The following CYP2J2 variants were observed in gnomAD, a reference collection of about 807,000 sequenced individuals.
CYP2J2 encodes the protein cytochrome P450 2J2.
Under a neutral mutation model 48.8 loss-of-function variants are expected in CYP2J2, and 41 were observed. That is an observed-to-expected ratio of 0.84 (90% confidence interval 0.66 to 1.09). CYP2J2 has a LOEUF of 1.09. Ranked by LOEUF, CYP2J2 falls within the 50% of genes least tolerant of loss-of-function variation. The pLI, the probability that CYP2J2 is intolerant of heterozygous loss-of-function variation, is 0.00. For missense variants in CYP2J2, 644 were observed against 617.3 expected (o/e 1.04, Z -0.46); for synonymous variants, 221 against 227.1 (o/e 0.97, Z 0.24).
At chr1:59,900,005 A>T (rs1644303337) in intron 8 of CYP2J2, among the ~76,000 whole-genome samples, 1 of 152,264 alleles carries the variant, frequency 6.6e-6, no homozygotes, top group Non-Finnish European at 1.5e-5. Context: ...GTGAGTTAAA[A>T]ATATATTTTT....
chr1:59,964,840 G>T, the CYP2J2 span, among the ~76,000 whole-genome samples: 1 of 152,172 alleles, frequency 6.6e-6, no homozygotes, highest in Non-Finnish European at 1.5e-5. Context: ...AACATGATCT[G>T]GCTTAGCTTT....
At chr1:59,955,493 G>A in the CYP2J2 span, among the ~76,000 whole-genome samples, 1 of 151,918 alleles carries the variant, frequency 6.6e-6, no homozygotes, top group Non-Finnish European at 1.5e-5. Flanking sequence ...TTTTGACGAG[G>A]AGCAGGATAT....
intron 1 of CYP2J2, among the ~76,000 whole-genome samples, chr1:59,918,889 A>G (rs1332813713): frequency 6.6e-6 from 1 of 152,222 alleles, no homozygotes; most frequent in African/African-American, 2.4e-5. Flanking sequence ...GGTGGAACAA[A>G]ATAAATGTTT....
chr1:59,928,048 T>G (rs11572185), upstream of CYP2J2, among the ~76,000 whole-genome samples: 1,743 of 152,362 alleles, frequency 0.011, 13 homozygotes, highest in East Asian at 0.043. Flanking sequence ...CTCAGTATTA[T>G]GTGTTTGAGA....
Position 59,916,119 on chromosome 1 carries a change from G to T in CYP2J2, c.211-19C>A. The stretch of plus-strand genomic sequence containing the variant: ...TCACAAACTGAAAAATAGTTAAATC[G>T]TAACAGTTGAATATGCACATGTCCA... On this transcript the variant is annotated intron_variant, in intron 1 of 8. Transcript: ENST00000371204. 6.2e-7 allele frequency: 1 copy of T among 1,601,256 alleles called. No individual in the cohort carries two copies. The highest frequency in any genetic ancestry group is 8.5e-7 in the Non-Finnish European group (1 of 1,172,774).
At chr1:59,939,756 A>G in the CYP2J2 span, among the ~76,000 whole-genome samples, 5 of 152,164 alleles carry the variant, frequency 3.3e-5, no homozygotes, top group African/African-American at 1.2e-4. Context: ...CTGACGTTCT[A>G]TTGCACTGCA....
At chr1:59,906,544 T>C (rs993427099) in intron 6 of CYP2J2, among the ~76,000 whole-genome samples, 2 of 152,158 alleles carry the variant, frequency 1.3e-5, no homozygotes, top group Non-Finnish European at 2.9e-5. Context: ...ATTTACTATG[T>C]TAGCATTTTT....
chr1:59,917,373 T>C (rs1257766540), intron 1 of CYP2J2, among the ~76,000 whole-genome samples: 1 of 152,194 alleles, frequency 6.6e-6, no homozygotes, highest in African/African-American at 2.4e-5. Flanking sequence ...TAAGCACCTT[T>C]CATATTTTAT....
rs1644545111 is a variant in CYP2J2, at chr1:59,924,411, CTCT to C, written c.210+2123_210+2125del. Among the ~76,000 whole-genome samples the C allele has an allele frequency of 2.0e-5, 3 of 152,172 alleles. No homozygotes were observed. In the South Asian group the frequency reaches 6.2e-4, roughly 32 times the overall value. On this transcript the variant is annotated intron_variant, in intron 1 of 8. Coordinates refer to ENST00000371204, the MANE Select transcript of CYP2J2 (RefSeq NM_000775.4). ...TGAGTAAATACAATAGACTATTATT[CTCT>C]TGAGTTTTCAAAATTGCATTTAACA...
At chr1:59,906,042 C>T (rs534262142) in intron 6 of CYP2J2, among the ~76,000 whole-genome samples, 3 of 152,184 alleles carry the variant, frequency 2.0e-5, no homozygotes, top group South Asian at 2.1e-4. Flanking sequence ...AAAAATTAGC[C>T]GGGCGTGGTG....
chr1:59,943,624 A>G, the CYP2J2 span, among the ~76,000 whole-genome samples: 6 of 152,198 alleles, frequency 3.9e-5, no homozygotes, highest in African/African-American at 7.2e-5. Context: ...TGGGTTTAGC[A>G]AGATAACTGA....
the CYP2J2 span, among the ~76,000 whole-genome samples, chr1:59,947,552 C>T: frequency 2.0e-5 from 3 of 152,200 alleles, no homozygotes; most frequent in Non-Finnish European, 2.9e-5. Context: ...AGTAAGCCAA[C>T]TCCCAGAGTT....
the CYP2J2 span, among the ~76,000 whole-genome samples, chr1:59,958,843 C>T: frequency 6.6e-6 from 1 of 152,118 alleles, no homozygotes. Context: ...ATGTGAACAA[C>T]CTCCAAAAAT....
At chr1:59,911,127 C>T (rs1396253027) in intron 4 of CYP2J2, among the ~76,000 whole-genome samples, 3 of 152,114 alleles carry the variant, frequency 2.0e-5, no homozygotes, top group African/African-American at 7.2e-5. Context: ...TCCGTCAGTA[C>T]AGAACAGATT....
At chr1:59,939,269 A>G in the CYP2J2 span, among the ~76,000 whole-genome samples, 114,799 of 152,146 alleles carry the variant, frequency 0.75, 43,497 homozygotes, top group South Asian at 0.85. Flanking sequence ...TAGATGTTGT[A>G]ATTGTAGCTG....
upstream of CYP2J2, among the ~76,000 whole-genome samples, chr1:59,927,228 C>T (rs540328044): frequency 1.1e-4 from 17 of 152,218 alleles, no homozygotes; most frequent in African/African-American, 3.6e-4. Context: ...ATGTGGTGAA[C>T]AAATAAATCC....
intron 8 of CYP2J2, among the ~76,000 whole-genome samples, chr1:59,894,916 T>C (rs113900052): frequency 4.6e-5 from 7 of 152,204 alleles, no homozygotes; most frequent in African/African-American, 1.7e-4. Context: ...TTCTTTACTG[T>C]GATACTTTCC....
the CYP2J2 span, among the ~76,000 whole-genome samples, chr1:59,951,548 T>G: frequency 6.6e-6 from 1 of 152,226 alleles, no homozygotes; most frequent in African/African-American, 2.4e-5. Flanking sequence ...GTAACTAGGC[T>G]TGGGTCCTAT....
chr1:59,895,457 T>A (rs1255182812), intron 8 of CYP2J2, among the ~76,000 whole-genome samples: 2 of 152,190 alleles, frequency 1.3e-5, no homozygotes, highest in African/African-American at 4.8e-5. Flanking sequence ...GCTATACAAT[T>A]GTGATGTGTT....
Sources: allele counts gnomAD v4.1 joint callset (sites outside exome capture counted in the v4.1 genomes callset), GRCh38; gene constraint gnomAD v4.1.1; transcripts MANE v1.5; gene names NCBI Gene and HGNC (gene_info 2026-07-23, HGNC 2026-07-21).